ADK: variants seen among roughly 807,000 people sequenced by gnomAD.
The protein encoded by ADK is adenosine kinase.
A neutral mutation model predicts 44.7 loss-of-function variants in ADK; 24 were observed. That is an observed-to-expected ratio of 0.54 (90% CI 0.39 to 0.76). The LOEUF is 0.76. ADK is among the 30% of genes least tolerant of loss of function. The pLI is 0.00. For missense variants in ADK, 321 were observed against 425.1 expected, an observed-to-expected ratio of 0.76 and a Z score of 2.15; for synonymous variants, 128 against 142.6, an observed-to-expected ratio of 0.90 and a Z score of 0.73.
chr10:74,347,221 A>C (rs1056444566), intron 4 of ADK, among the ~76,000 whole-genome samples: 2 of 151,074 alleles, frequency 1.3e-5, no homozygotes, highest in Admixed American at 6.6e-5. Flanking sequence ...TGCATTTCCA[A>C]CTAAGGTACC....
At chr10:74,473,362 T>C (rs1375380776) in intron 6 of ADK, among the ~76,000 whole-genome samples, 6 of 152,216 alleles carry the variant, frequency 3.9e-5, no homozygotes, top group African/African-American at 1.4e-4. Flanking sequence ...TAAATAACTG[T>C]AGGATCTTCA....
At chr10:74,415,926 T>G (rs1844352301) in intron 6 of ADK, among the ~76,000 whole-genome samples, 1 of 151,948 alleles carries the variant, frequency 6.6e-6, no homozygotes. Context: ...GATCTCTTGC[T>G]CTTACCTATT....
Position 74,564,140 on chromosome 10 carries a change from G to A in ADK, c.727-25142G>A, listed in dbSNP as rs578036107. On this transcript the variant is annotated intron_variant, in intron 7 of 10. Coordinates refer to ENST00000539909, the MANE Select transcript of ADK (RefSeq NM_006721.4). ...TTCCCACCTATGAGTGAGAATATGCGGTGTTTGGTTTTTTGTTCTTGGGAT... is the reference window on the plus strand; with the variant it reads ...TTCCCACCTATGAGTGAGAATATGCAGTGTTTGGTTTTTTGTTCTTGGGAT... Among the ~76,000 whole-genome samples, 41 of 149,652 alleles carry A rather than the reference G, an allele frequency of 2.7e-4. No homozygotes were observed. In the Middle Eastern group the frequency reaches 0.01, roughly 38 times the overall value.
At chr10:74,266,280 C>T (rs556961334) in intron 3 of ADK, among the ~76,000 whole-genome samples, 34 of 152,098 alleles carry the variant, frequency 2.2e-4, no homozygotes, top group Admixed American at 7.2e-4. Context: ...GAAAGGCGGC[C>T]GGGCACAGTG....
chr10:74,244,526 A>G (rs1845342332), intron 3 of ADK, among the ~76,000 whole-genome samples: 1 of 152,170 alleles, frequency 6.6e-6, no homozygotes, highest in Non-Finnish European at 1.5e-5. Context: ...TGTTAAGTAG[A>G]TTTTTTGAAA....
chr10:74,331,076 C>T (rs762612848), intron 4 of ADK, among the ~76,000 whole-genome samples: 10 of 151,926 alleles, frequency 6.6e-5, no homozygotes, highest in Non-Finnish European at 8.8e-5. Flanking sequence ...TATACATAAT[C>T]GTTTTGAGCT....
intron 4 of ADK, among the ~76,000 whole-genome samples, chr10:74,364,773 G>A (rs975828147): frequency 6.8e-6 from 1 of 147,290 alleles, no homozygotes; most frequent in African/African-American, 2.5e-5. Context: ...AATTCCAATG[G>A]ATTCTAACAC....
At chr10:74,166,836 C>T (rs1016861631) in intron 1 of ADK, among the ~76,000 whole-genome samples, 1 of 152,050 alleles carries the variant, frequency 6.6e-6, no homozygotes, top group African/African-American at 2.4e-5. Context: ...TTGTGAGGAA[C>T]TTCTGGTTAC....
chr10:74,668,314 A>G (rs565969768), intron 9 of ADK, among the ~76,000 whole-genome samples: 51 of 152,082 alleles, frequency 3.4e-4, no homozygotes, highest in Admixed American at 1.9e-3. Context: ...TTTGGCCTGC[A>G]TAGTAGTTTG....
At chr10:74,635,751 A>G (rs1853603283) in intron 9 of ADK, among the ~76,000 whole-genome samples, 1 of 151,968 alleles carries the variant, frequency 6.6e-6, no homozygotes, top group Admixed American at 6.6e-5. Context: ...CAGACTTCCA[A>G]TTTGTACTCT....
intron 6 of ADK, among the ~76,000 whole-genome samples, chr10:74,497,131 A>G (rs966903420): frequency 1.3e-5 from 2 of 152,124 alleles, no homozygotes; most frequent in Non-Finnish European, 2.9e-5. Context: ...CCTCTCTCTT[A>G]TCTTCTTTAC....
chr10:74,189,688 A>G (rs185424816), intron 1 of ADK, among the ~76,000 whole-genome samples: 135 of 152,316 alleles, frequency 8.9e-4, no homozygotes, highest in Non-Finnish European at 1.6e-3. Flanking sequence ...CATCGGCACT[A>G]TTTAATTCCA....
chr10:74,625,995 T>C (rs2134043124), intron 9 of ADK, among the ~76,000 whole-genome samples: 1 of 152,278 alleles, frequency 6.6e-6, no homozygotes. Context: ...GGAGATAGTG[T>C]AGTTGATACT....
intron 9 of ADK, among the ~76,000 whole-genome samples, chr10:74,629,446 G>A (rs891550831): frequency 2.8e-4 from 43 of 152,154 alleles, no homozygotes; most frequent in Non-Finnish European, 2.2e-4. Flanking sequence ...GCTCACGCAA[G>A]CAAAATTAAG....
At chr10:74,305,301 G>C (rs1458311273) in intron 3 of ADK, among the ~76,000 whole-genome samples, 3 of 152,160 alleles carry the variant, frequency 2.0e-5, no homozygotes, top group Non-Finnish European at 4.4e-5. Context: ...ATTAAAGCCA[G>C]GTCCGTCTGA....
intron 6 of ADK, among the ~76,000 whole-genome samples, chr10:74,441,986 A>G (rs977748564): frequency 6.6e-6 from 1 of 152,104 alleles, no homozygotes; most frequent in African/African-American, 2.4e-5. Flanking sequence ...ATACAAATCA[A>G]AAGACCACAG....
chr10:74,284,258 C>A (rs1847066360), intron 3 of ADK, among the ~76,000 whole-genome samples: 1 of 144,326 alleles, frequency 6.9e-6, no homozygotes, highest in African/African-American at 2.5e-5. Context: ...CCACGCCTGG[C>A]AAATTCTATT....
At chr10:74,609,238 G>T (rs2133989002) in intron 9 of ADK, among the ~76,000 whole-genome samples, 1 of 152,250 alleles carries the variant, frequency 6.6e-6, no homozygotes, top group Non-Finnish European at 1.5e-5. Flanking sequence ...CCTTTCCAGG[G>T]GAGTGAACAG....
At chr10:74,267,189 A>C (rs1846242460) in intron 3 of ADK, among the ~76,000 whole-genome samples, 1 of 152,214 alleles carries the variant, frequency 6.6e-6, no homozygotes. Flanking sequence ...AACTGCATGC[A>C]CCTACTTATA....
Sources: gnomAD v4.1 joint callset for allele counts (sites outside exome capture counted in the v4.1 genomes callset) on GRCh38, gnomAD v4.1.1 for gene constraint, MANE v1.5 for transcripts, NCBI Gene and HGNC (gene_info 2026-07-23, HGNC 2026-07-21) for gene names.